Variants in DICER1 observed in about 807,000 individuals in gnomAD.
DICER1 encodes the protein endoribonuclease Dicer.
A neutral mutation model predicts 194.1 loss-of-function variants in DICER1; 43 were observed. That is an observed-to-expected ratio of 0.22 (90% CI 0.17 to 0.29). The LOEUF (loss-of-function observed/expected upper bound fraction) is 0.29, where lower values mean the gene tolerates loss of function less well. Ranked by LOEUF, DICER1 falls within the 10% of genes least tolerant of loss-of-function variation. DICER1 has a pLI of 1.00. For missense variants in DICER1, 1,608 were observed against 2,317.0 expected, an observed-to-expected ratio of 0.69 and a Z score of 6.28; for synonymous variants, 832 against 820.5, an observed-to-expected ratio of 1.01 and a Z score of -0.24.
chr14:95,145,753 T>C (rs750341126), intron 1 of DICER1, among the ~76,000 whole-genome samples: 1 of 152,186 alleles, frequency 6.6e-6, no homozygotes, highest in Non-Finnish European at 1.5e-5. Context: ...GAACTATTTA[T>C]ATTTTTACTT....
intron 1 of DICER1, among the ~76,000 whole-genome samples, chr14:95,153,033 C>T (rs761829066): frequency 5.3e-5 from 8 of 151,916 alleles, no homozygotes; most frequent in East Asian, 1.9e-4. Flanking sequence ...TGGCTAAACA[C>T]GGTGAAACCT....
At chr14:95,130,508 TCA>T in intron 4 of DICER1, among the ~76,000 whole-genome samples, 2 of 152,316 alleles carry the variant, frequency 1.3e-5, no homozygotes, top group South Asian at 4.1e-4. Context: ...TTTAGGCAAA[TCA>T]CAAAACAATT....
rs762155753 is a variant in DICER1 at position 95,117,678 on chromosome 14, C to T, written c.1453G>A (p.Gly485Arg). 12 of 1,613,916 alleles carry T rather than the reference C, an allele frequency of 7.4e-6. No individual in the cohort carries two copies. The highest frequency in any genetic ancestry group is 1.0e-5 in the Non-Finnish European group (12 of 1,179,952). ...TGTTTGTTGCGAGGCTGATTCTTCCCAATGCCATGTCCAGTTATGAAATTG... is the reference window on the plus strand; with the variant it reads ...TGTTTGTTGCGAGGCTGATTCTTCCTAATGCCATGTCCAGTTATGAAATTG... ...SSNFITGHGI[G>R]KNQPRNKQME... is the part of the protein sequence containing the mutation. The change falls in exon 9 of 27, where the codon GGG becomes AGG. Residue 485 changes from glycine to arginine, a missense_variant. Physicochemically the swap from Gly to Arg is moderately radical, Grantham distance 125. Around this residue, in one of 10 missense-constraint regions of DICER1, gnomAD observed 657 missense variants for 910.1 expected, o/e 0.72. Transcript: ENST00000343455.
At chr14:95,138,846 T>C (rs1005462731) in intron 1 of DICER1, among the ~76,000 whole-genome samples, 2 of 145,604 alleles carry the variant, frequency 1.4e-5, no homozygotes, top group Non-Finnish European at 3.0e-5. Context: ...AGGGATAGCA[T>C]TGGGAGATAT....
intron 1 of DICER1, among the ~76,000 whole-genome samples, chr14:95,146,323 C>T (rs1429318301): frequency 6.6e-6 from 1 of 152,188 alleles, no homozygotes; most frequent in South Asian, 2.1e-4. Context: ...CTTACATATA[C>T]CTACACTTCC....
Position 95,133,473 on chromosome 14 carries a change from T to C in DICER1, c.-15A>G. 6.2e-7 allele frequency: 1 copy of C among 1,607,204 alleles called. No homozygotes were observed. The highest frequency in any genetic ancestry group is 8.5e-7 in the Non-Finnish European group (1 of 1,176,142). Reference sequence around the variant, plus strand: ...GGGCTTTTCATTCATCCAGTGTTTCTTTCATTGCATTTTTGTTCTAGCACA... The same window carrying C: ...GGGCTTTTCATTCATCCAGTGTTTCCTTCATTGCATTTTTGTTCTAGCACA... On this transcript the variant is annotated 5_prime_UTR_variant, in exon 2 of 27. Transcript: ENST00000343455.
intron 9 of DICER1, 94 bp from the exon 10 acceptor site, chr14:95,116,789 T>C (rs1566790724): frequency 1.6e-6 from 2 of 1,238,314 alleles, no homozygotes; most frequent in Admixed American, 3.4e-5. Context: ...CTGTCATTTC[T>C]GACACACATG....
intron 24 of DICER1, among the ~76,000 whole-genome samples, chr14:95,092,122 A>AATCAAT (rs1255804433): frequency 6.6e-6 from 1 of 152,214 alleles, no homozygotes; most frequent in Non-Finnish European, 1.5e-5. Flanking sequence ...GAAGCGTTTA[A>AATCAAT]ATCAATCAGC....
chr14:95,099,079 A>G (rs1566760111), intron 22 of DICER1, among the ~76,000 whole-genome samples: 1 of 152,210 alleles, frequency 6.6e-6, no homozygotes, highest in Non-Finnish European at 1.5e-5. Flanking sequence ...TCTCCAAGAA[A>G]TGAAACTGTC....
At chr14:95,108,187 G>A in intron 15 of DICER1, 94 bp from the exon 16 acceptor site, 3 of 1,300,274 alleles carry the variant, frequency 2.3e-6, no homozygotes, top group Admixed American at 1.7e-5. Context: ...CTTTCTAGTG[G>A]AGAAATAGAA....
chr14:95,115,351 T>C (rs1481870544), intron 11 of DICER1, among the ~76,000 whole-genome samples: 1 of 152,136 alleles, frequency 6.6e-6, no homozygotes, highest in Non-Finnish European at 1.5e-5. Flanking sequence ...TACCCAATGG[T>C]TATGGCACAA....
intron 8 of DICER1, among the ~76,000 whole-genome samples, chr14:95,120,904 G>C (rs549210484): frequency 2.6e-5 from 4 of 152,274 alleles, no homozygotes; most frequent in Non-Finnish European, 5.9e-5. Flanking sequence ...GCTAGACTTG[G>C]AGACTTCCTT....
chr14:95,139,461 T>C (rs1894686191), intron 1 of DICER1, among the ~76,000 whole-genome samples: 1 of 152,212 alleles, frequency 6.6e-6, no homozygotes, highest in Non-Finnish European at 1.5e-5. Context: ...AAACAGCTTC[T>C]ATTTGCCTTT....
rs1890081443 is a variant in DICER1, at chr14:95,094,017, A to G, written c.5235T>C (p.Phe1745=). Residue 1745 remains phenylalanine (F), a synonymous_variant, in exon 24 of 27, where the codon TTT becomes TTC. Transcript: ENST00000343455. ...AGTCGTACTTTACAGCCAGCGATGCAAAGATGGTGTTGTTGACCAGGGCAG... is the reference window on the plus strand; with the variant it reads ...AGTCGTACTTTACAGCCAGCGATGCGAAGATGGTGTTGTTGACCAGGGCAG... ...LRSALVNNTI[F]ASLAVKYDYH... is the part of the protein sequence containing the mutation. 1 of 1,614,064 alleles carries G rather than the reference A, an allele frequency of 6.2e-7. No homozygotes were observed. The highest frequency in any genetic ancestry group is 1.1e-5 in the South Asian group (1 of 91,088).
chr14:95,108,218 T>C, intron 15 of DICER1, 106 bp downstream of exon 15: 1 of 1,314,890 alleles, frequency 7.6e-7, no homozygotes, highest in Non-Finnish European at 1.1e-6. Flanking sequence ...GATCTTTAAA[T>C]ATTAAACATA....
chr14:95,116,483 T>G lies in DICER1; in HGVS notation c.1722A>C (p.Glu574Asp), dbSNP rs2140123178. Residue 574 changes from glutamate (E) to aspartate (D), a missense_variant, in exon 10 of 27, where the codon GAA becomes GAC. Physicochemically the swap from Glu to Asp is conservative, Grantham distance 45 (BLOSUM62 2). Transcript: ENST00000343455. ...CAATAGCTTTGTAGGTTTTAAGGTCTTCTTCAAAACTTTTTATTTTGTCTG... is the reference window on the plus strand; with the variant it reads ...CAATAGCTTTGTAGGTTTTAAGGTCGTCTTCAAAACTTTTTATTTTGTCTG... ...ADTDKIKSFEEDLKTYKAIEK... is the reference protein window; with the variant it reads ...ADTDKIKSFEDDLKTYKAIEK... 2 of 1,613,368 alleles carry G rather than the reference T, an allele frequency of 1.2e-6. No individual in the cohort carries two copies. The highest frequency in any genetic ancestry group is 1.7e-6 in the Non-Finnish European group (2 of 1,179,902).
At chr14:95,130,774 A>C (rs1285855827) in intron 4 of DICER1, among the ~76,000 whole-genome samples, 5 of 152,220 alleles carry the variant, frequency 3.3e-5, no homozygotes, top group African/African-American at 1.2e-4. Context: ...GAAACATGTA[A>C]GTTAGAGGAG....
intron 7 of DICER1, among the ~76,000 whole-genome samples, chr14:95,125,443 A>C (rs1361774555): frequency 1.3e-5 from 2 of 148,216 alleles, no homozygotes; most frequent in African/African-American, 5.0e-5. Flanking sequence ...GCATCTTACA[A>C]CTCTAATTGA....
At chr14:95,137,923 T>G (rs1894529037) in intron 1 of DICER1, 1 of 154,742 alleles carries the variant, frequency 6.5e-6, no homozygotes. Context: ...ATCGTTTCCC[T>G]GGCCTGCCTA....
Sources: allele counts gnomAD v4.1 joint callset (sites outside exome capture counted in the v4.1 genomes callset), GRCh38; gene constraint gnomAD v4.1.1; regional missense constraint gnomAD v4.1.1; transcripts MANE v1.5; gene names NCBI Gene and HGNC (gene_info 2026-07-23, HGNC 2026-07-21).